RBFOX1: variants seen among roughly 807,000 people sequenced by gnomAD.
The protein encoded by RBFOX1 is RNA binding protein fox-1 homolog 1.
In RBFOX1, 8 loss-of-function variants were observed where a neutral mutation model predicts 57.7. That is an observed-to-expected ratio of 0.14 (90% CI 0.08 to 0.25). The LOEUF is 0.25. RBFOX1 is among the 10% of genes least tolerant of loss of function. The pLI, the probability that RBFOX1 is intolerant of heterozygous loss-of-function variation, is 1.00. For synonymous variants in RBFOX1, 326 were observed against 222.4 expected (o/e 1.47, Z -4.15); for missense variants, 611 against 548.5 (o/e 1.11, Z -1.14).
chr16:6,787,507 G>C (rs60059179), intron 3 of RBFOX1, among the ~76,000 whole-genome samples: 4,908 of 152,262 alleles, frequency 0.032, 273 homozygotes, highest in African/African-American at 0.11. Context: ...TTGTGTGACT[G>C]TATGCTGGGC....
chr16:6,384,531 T>C (rs2092103757), intron 2 of RBFOX1, among the ~76,000 whole-genome samples: 1 of 152,148 alleles, frequency 6.6e-6, no homozygotes, highest in African/African-American at 2.4e-5. Context: ...AGAGTGTGCA[T>C]TGAAGAAATG....
chr16:6,913,951 T>C (rs1048468401), intron 3 of RBFOX1, among the ~76,000 whole-genome samples: 1 of 152,232 alleles, frequency 6.6e-6, no homozygotes, highest in African/African-American at 2.4e-5. Context: ...ATTATAATTA[T>C]GGATGATTTA....
At chr16:6,765,043 G>T (rs2077138765) in intron 3 of RBFOX1, among the ~76,000 whole-genome samples, 1 of 152,070 alleles carries the variant, frequency 6.6e-6, no homozygotes, top group Non-Finnish European at 1.5e-5. Flanking sequence ...AATTCATGGT[G>T]ACATGAAATT....
chr16:7,042,003 C>T (rs896384580), intron 3 of RBFOX1, among the ~76,000 whole-genome samples: 1 of 152,112 alleles, frequency 6.6e-6, no homozygotes, highest in Non-Finnish European at 1.5e-5. Flanking sequence ...ACTGGACTTC[C>T]TTAGTCTGAT....
intron 3 of RBFOX1, among the ~76,000 whole-genome samples, chr16:5,654,952 C>T (rs754403431): frequency 1.3e-5 from 2 of 152,156 alleles, no homozygotes; most frequent in African/African-American, 2.4e-5. Flanking sequence ...AGCTCCCCCC[C>T]AGCAAGTAGA....
intron 4 of RBFOX1, among the ~76,000 whole-genome samples, chr16:7,300,574 G>C (rs1266484217): frequency 6.6e-6 from 1 of 151,866 alleles, no homozygotes; most frequent in Non-Finnish European, 1.5e-5. Context: ...TGTCTAACTG[G>C]AGTCTTGCTT....
intron 4 of RBFOX1, among the ~76,000 whole-genome samples, chr16:7,109,143 A>G (rs1157318489): frequency 6.6e-6 from 1 of 152,204 alleles, no homozygotes; most frequent in African/African-American, 2.4e-5. Context: ...TCCAAGGTGA[A>G]TGTACTGGAT....
chr16:5,581,641 C>G (rs1158613244), intron 2 of RBFOX1, among the ~76,000 whole-genome samples: 1 of 152,180 alleles, frequency 6.6e-6, no homozygotes, highest in Non-Finnish European at 1.5e-5. Flanking sequence ...TGGACTTTGA[C>G]ATGAAGGATG....
intron 2 of RBFOX1, among the ~76,000 whole-genome samples, chr16:6,451,026 T>C (rs2094610568): frequency 6.7e-6 from 1 of 149,908 alleles, no homozygotes; most frequent in African/African-American, 2.5e-5. Context: ...ATAGACAGGA[T>C]ATTTTCCATT....
chr16:5,451,456 C>T (rs1023744080), intron 1 of RBFOX1, among the ~76,000 whole-genome samples: 1 of 152,076 alleles, frequency 6.6e-6, no homozygotes, highest in African/African-American at 2.4e-5. Flanking sequence ...CTAATTAGTA[C>T]CCCAACCCTG....
At chr16:5,248,867 A>G (rs1048904728) in intron 1 of RBFOX1, among the ~76,000 whole-genome samples, 2 of 151,826 alleles carry the variant, frequency 1.3e-5, no homozygotes, top group Admixed American at 1.3e-4. Flanking sequence ...GGACACCTAT[A>G]ATCCCAGCTA....
intron 12 of RBFOX1, among the ~76,000 whole-genome samples, chr16:7,664,219 C>T (rs947215785): frequency 7.2e-5 from 11 of 152,186 alleles, no homozygotes; most frequent in African/African-American, 2.4e-4. Flanking sequence ...ACATGCATTC[C>T]TGCACTTGTC....
intron 4 of RBFOX1, among the ~76,000 whole-genome samples, chr16:7,255,837 C>G (rs2094655954): frequency 6.6e-6 from 1 of 152,106 alleles, no homozygotes; most frequent in Non-Finnish European, 1.5e-5. Flanking sequence ...ATACTGACAG[C>G]ACGTCTCATT....
chr16:5,982,089 G>C (rs906133253), intron 4 of RBFOX1, among the ~76,000 whole-genome samples: 1 of 152,116 alleles, frequency 6.6e-6, no homozygotes, highest in Non-Finnish European at 1.5e-5. Flanking sequence ...CCATCTCATG[G>C]GGCACAGGGC....
intron 2 of RBFOX1, among the ~76,000 whole-genome samples, chr16:6,541,879 G>C (rs925124445): frequency 6.6e-6 from 1 of 152,028 alleles, no homozygotes. Flanking sequence ...AACCCAAAGA[G>C]TTTACATCAG....
At chr16:6,647,778 A>G (rs1437321624) in intron 2 of RBFOX1, among the ~76,000 whole-genome samples, 12 of 152,188 alleles carry the variant, frequency 7.9e-5, no homozygotes. Context: ...CTCTGTCACT[A>G]GGTTGGAATG....
chr16:7,441,626 C>G (rs1478521056), intron 4 of RBFOX1, among the ~76,000 whole-genome samples: 2 of 152,138 alleles, frequency 1.3e-5, no homozygotes, highest in Non-Finnish European at 2.9e-5. Context: ...TATTAGCTGC[C>G]AACATTTAGA....
At chr16:5,888,522 G>A (rs2057956372) in intron 4 of RBFOX1, among the ~76,000 whole-genome samples, 3 of 152,092 alleles carry the variant, frequency 2.0e-5, no homozygotes, top group South Asian at 4.1e-4. Context: ...GAGGCCGGGC[G>A]CAGTGGCTCA....
At position 5,971,693 on chromosome 16, in the gene RBFOX1, C is replaced by T. The variant is rs573674096; in HGVS notation, c.351+104358C>T. On this transcript the variant is annotated intron_variant, in intron 4 of 19. Transcript: ENST00000641259. ...AGGTCAGAGTCAGAAAAGTCATATA[C>T]GAAGGATATGAAGGACCAGTCTGGA... Among the ~76,000 whole-genome samples, 12 of 152,130 alleles carry T rather than the reference C, an allele frequency of 7.9e-5. No individual in the cohort carries two copies. The South Asian group carries it at 1.5e-3, about 18-fold the overall frequency.
Sources: allele counts gnomAD v4.1 joint callset (sites outside exome capture counted in the v4.1 genomes callset), GRCh38; gene constraint gnomAD v4.1.1; transcripts MANE v1.5; gene names NCBI Gene and HGNC (gene_info 2026-07-23, HGNC 2026-07-21).